The following AGMO variants were observed in gnomAD, a reference collection of about 807,000 sequenced individuals.
The protein encoded by AGMO is alkylglycerol monooxygenase, also known as glyceryl-ether monooxygenase.
Under a neutral mutation model 60.2 loss-of-function variants are expected in AGMO, and 75 were observed. That is an observed-to-expected ratio of 1.25 (90% CI 1.03 to 1.51). AGMO has a LOEUF of 1.51. AGMO is among the 40% of genes most tolerant of loss of function. The probability of loss-of-function intolerance (pLI) is 0.00; values close to 1 mark genes in which losing one functional copy is unlikely to be tolerated. For missense variants in AGMO, 763 were observed against 525.5 expected (o/e 1.45, Z -4.42); for synonymous variants, 261 against 177.1 (o/e 1.47, Z -3.76).
intron 12 of AGMO, among the ~76,000 whole-genome samples, chr7:15,263,316 T>C (rs1485287556): frequency 6.6e-6 from 1 of 151,420 alleles, no homozygotes; most frequent in East Asian, 1.9e-4. Context: ...CCAACAAACA[T>C]ATAGAAAAAA....
intron 12 of AGMO, among the ~76,000 whole-genome samples, chr7:15,340,464 A>ACAGGCCAGGAGGC (rs1325544524): frequency 6.6e-6 from 1 of 152,174 alleles, no homozygotes; most frequent in Non-Finnish European, 1.5e-5. Context: ...AACTCCTGTC[A>ACAGGCCAGGAGGC]CAGGCCAGGA....
At chr7:15,414,294 C>T (rs1034724571) in intron 5 of AGMO, among the ~76,000 whole-genome samples, 4 of 151,956 alleles carry the variant, frequency 2.6e-5, no homozygotes, top group South Asian at 2.1e-4. Flanking sequence ...CCAGTGCACC[C>T]GGCCGTATTT....
chr7:15,366,697 A>T (rs1782997563), intron 10 of AGMO, among the ~76,000 whole-genome samples: 1 of 152,068 alleles, frequency 6.6e-6, no homozygotes, highest in Admixed American at 6.6e-5. Context: ...GATTACACAT[A>T]TACACTCATA....
At chr7:15,529,149 A>C (rs1784209058) in intron 3 of AGMO, among the ~76,000 whole-genome samples, 1 of 152,122 alleles carries the variant, frequency 6.6e-6, no homozygotes, top group South Asian at 2.1e-4. Flanking sequence ...ATTAGATAAT[A>C]TAATCGATTT....
At chr7:15,499,275 A>G (rs552250998) in intron 3 of AGMO, among the ~76,000 whole-genome samples, 1 of 151,970 alleles carries the variant, frequency 6.6e-6, no homozygotes, top group African/African-American at 2.4e-5. Flanking sequence ...TGTTTTTTTA[A>G]AAAACAAAAA....
chr7:15,220,527 C>T (rs1306250532), intron 12 of AGMO, among the ~76,000 whole-genome samples: 2 of 151,668 alleles, frequency 1.3e-5, no homozygotes, highest in Admixed American at 6.6e-5. Flanking sequence ...CCTGACTGTG[C>T]TTTAAGGCCT....
At chr7:15,270,593 ATAATTTT>A (rs1783569991) in intron 12 of AGMO, among the ~76,000 whole-genome samples, 1 of 63,046 alleles carries the variant, frequency 1.6e-5, no homozygotes, top group African/African-American at 7.1e-5. Flanking sequence ...TAATCTGTTG[ATAATTTT>A]TTTTTTTTTT....
At chr7:15,363,972 G>A (rs759853412) in intron 12 of AGMO, among the ~76,000 whole-genome samples, 1 of 151,634 alleles carries the variant, frequency 6.6e-6, no homozygotes, top group Non-Finnish European at 1.5e-5. Context: ...TATTAAATAT[G>A]TATAATTTAT....
At chr7:15,481,685 A>G in intron 3 of AGMO, among the ~76,000 whole-genome samples, 1 of 152,120 alleles carries the variant, frequency 6.6e-6, no homozygotes, top group Non-Finnish European at 1.5e-5. Context: ...CTTAATGAGA[A>G]TATAGAAATT....
At chr7:15,276,266 A>G (rs1158033474) in intron 12 of AGMO, among the ~76,000 whole-genome samples, 1 of 152,068 alleles carries the variant, frequency 6.6e-6, no homozygotes, top group East Asian at 1.9e-4. Flanking sequence ...TCTGGGACAG[A>G]CTATTTCTCT....
intron 5 of AGMO, among the ~76,000 whole-genome samples, chr7:15,404,806 T>G (rs1784643631): frequency 6.6e-6 from 1 of 151,860 alleles, no homozygotes; most frequent in Non-Finnish European, 1.5e-5. Flanking sequence ...CAAATATTAT[T>G]GATTGCCAAC....
At chr7:15,177,171 A>G in the AGMO span, among the ~76,000 whole-genome samples, 1 of 152,096 alleles carries the variant, frequency 6.6e-6, no homozygotes, top group Non-Finnish European at 1.5e-5. Context: ...ATTGTTAGAA[A>G]TTAAAGGGCA....
chr7:15,163,831 G>A, the AGMO span, among the ~76,000 whole-genome samples: 1 of 151,560 alleles, frequency 6.6e-6, no homozygotes, highest in Non-Finnish European at 1.5e-5. Context: ...GGATGATATT[G>A]CTTTCACAGA....
intron 12 of AGMO, among the ~76,000 whole-genome samples, chr7:15,301,939 T>C (rs1164976611): frequency 6.6e-6 from 1 of 152,130 alleles, no homozygotes; most frequent in Non-Finnish European, 1.5e-5. Context: ...TTACTTCTGG[T>C]GCTGAAAGAA....
rs375081806 is a variant in AGMO, at chr7:15,387,637, T to C, written c.823-97A>G. The C allele has an allele frequency of 4.3e-5, 48 of 1,109,968 alleles. No individual in the cohort carries two copies. The Admixed American group carries it at 1.1e-3, about 25-fold the overall frequency. The allele number at this position is 1,109,968 out of a possible 1,614,324, so 68.8% of individuals were successfully genotyped here. A position where few individuals can be genotyped will look rare whatever the true frequency, so the allele number is the denominator to read the frequency against. On this transcript the variant is annotated intron_variant, in intron 8 of 12. Coordinates refer to ENST00000342526, the MANE Select transcript of AGMO (RefSeq NM_001004320.2). ...TATTATTTTATTGTTCAAGGTAATT[T>C]ACGTATTTAAAACGTTATGCCTGAT...
intron 12 of AGMO, among the ~76,000 whole-genome samples, chr7:15,274,890 T>C (rs1396932092): frequency 6.6e-6 from 1 of 152,012 alleles, no homozygotes; most frequent in African/African-American, 2.4e-5. Flanking sequence ...GTGGTATCAG[T>C]TGTAATGTCA....
chr7:15,332,332 T>C (rs1444059282), intron 12 of AGMO, among the ~76,000 whole-genome samples: 2 of 152,050 alleles, frequency 1.3e-5, no homozygotes, highest in Non-Finnish European at 2.9e-5. Flanking sequence ...AGACACTAAA[T>C]TGCAAGAAAT....
chr7:15,350,187 T>A (rs531419813), intron 12 of AGMO, among the ~76,000 whole-genome samples: 1 of 152,278 alleles, frequency 6.6e-6, no homozygotes, highest in East Asian at 1.9e-4. Context: ...TGTTCAAGGA[T>A]AGACCAATCC....
chr7:15,340,510 C>T (rs1781809603), intron 12 of AGMO, among the ~76,000 whole-genome samples: 1 of 152,130 alleles, frequency 6.6e-6, no homozygotes, highest in Non-Finnish European at 1.5e-5. Flanking sequence ...TGGGCTGGAT[C>T]CAGTACCCTC....
Sources: allele counts gnomAD v4.1 joint callset (sites outside exome capture counted in the v4.1 genomes callset), GRCh38; gene constraint gnomAD v4.1.1; transcripts MANE v1.5; gene names NCBI Gene and HGNC (gene_info 2026-07-23, HGNC 2026-07-21).